PDE1C: variants seen among roughly 807,000 people sequenced by gnomAD.
The protein encoded by PDE1C is dual specificity calcium/calmodulin-dependent 3',5'-cyclic nucleotide phosphodiesterase 1C.
Under a neutral mutation model 93.1 loss-of-function variants are expected in PDE1C, and 62 were observed. The ratio of observed to expected loss-of-function variants is 0.67; its 90% confidence interval spans 0.54 to 0.82. The LOEUF is 0.82. Among genes scored for constraint, PDE1C ranks in the 40% least tolerant of loss-of-function variants. The pLI is 0.00. For synonymous variants in PDE1C, 325 were observed against 310.1 expected (o/e 1.05, Z -0.50); for missense variants, 742 against 884.6 (o/e 0.84, Z 2.04).
At chr7:31,768,451 A>AT (rs1795279009) in intron 17 of PDE1C, among the ~76,000 whole-genome samples, 1 of 152,174 alleles carries the variant, frequency 6.6e-6, no homozygotes, top group South Asian at 2.1e-4. Flanking sequence ...TGGGGATTGG[A>AT]TTTTAACATA....
the PDE1C span, among the ~76,000 whole-genome samples, chr7:31,705,450 C>G: frequency 5.3e-5 from 8 of 151,094 alleles, no homozygotes; most frequent in African/African-American, 1.7e-4. Flanking sequence ...CTCTGTGCAG[C>G]TGGTGTACGA....
intron 2 of PDE1C, among the ~76,000 whole-genome samples, chr7:31,975,694 C>A (rs539396172): frequency 1.5e-4 from 23 of 152,284 alleles, no homozygotes; most frequent in African/African-American, 5.5e-4. Context: ...CAACAGTGAG[C>A]ACATAATTTC....
At chr7:31,643,879 A>C in the PDE1C span, 1 of 1,613,854 alleles carries the variant, frequency 6.2e-7, no homozygotes, top group South Asian at 1.1e-5. Context: ...GTGTTCACTA[A>C]CTGGTCACCA....
intron 1 of PDE1C, among the ~76,000 whole-genome samples, chr7:32,212,772 C>A (rs1433228321): frequency 6.6e-6 from 1 of 152,194 alleles, no homozygotes; most frequent in Non-Finnish European, 1.5e-5. Flanking sequence ...TCGCCTCACA[C>A]CCCACCTTCT....
chr7:32,341,235 G>A (rs1307716270), intron 1 of PDE1C, among the ~76,000 whole-genome samples: 1 of 118,740 alleles, frequency 8.4e-6, no homozygotes, highest in African/African-American at 2.9e-5. Flanking sequence ...GAGTGCAGTG[G>A]CGCGATCTCG....
At chr7:31,711,678 T>C in the PDE1C span, among the ~76,000 whole-genome samples, 1 of 152,202 alleles carries the variant, frequency 6.6e-6, no homozygotes, top group Non-Finnish European at 1.5e-5. Flanking sequence ...AATTTAATCA[T>C]TATTCTCAAT....
intron 2 of PDE1C, among the ~76,000 whole-genome samples, chr7:32,182,275 A>AG (rs1803499134): frequency 1.3e-5 from 2 of 152,222 alleles, no homozygotes; most frequent in South Asian, 2.1e-4. Context: ...ATAGAAAAAG[A>AG]GGAATCCTTC....
the PDE1C span, among the ~76,000 whole-genome samples, chr7:31,677,616 T>A: frequency 6.6e-6 from 1 of 152,134 alleles, no homozygotes; most frequent in African/African-American, 2.4e-5. Context: ...AGAAAAAAAC[T>A]CAATAAACTA....
chr7:31,994,461 T>C (rs1033829224), intron 2 of PDE1C, among the ~76,000 whole-genome samples: 1 of 152,204 alleles, frequency 6.6e-6, no homozygotes, highest in Non-Finnish European at 1.5e-5. Context: ...GATGACCCTA[T>C]GACCTCTCAG....
At position 31,987,503 on chromosome 7, in the gene PDE1C, T is replaced by C. The variant is rs1783571612; in HGVS notation, c.128+64051A>G. ...ACCCACAAGCCTAAAGAGAAAAGAA[T>C]GAACTTAGAAAGTAAGAAAAAGTCT... On this transcript the variant is annotated intron_variant, in intron 2 of 17. Coordinates refer to ENST00000396191, the MANE Select transcript of PDE1C (RefSeq NM_001191057.4). Among the ~76,000 whole-genome samples, 3 of 152,132 alleles carry C rather than the reference T, an allele frequency of 2.0e-5. No individual in the cohort carries two copies. In the South Asian group the frequency reaches 6.2e-4, roughly 32 times the overall value.
intron 2 of PDE1C, among the ~76,000 whole-genome samples, chr7:31,925,097 G>A (rs776430038): frequency 6.2e-4 from 93 of 150,362 alleles, no homozygotes; most frequent in African/African-American, 1.4e-3. Flanking sequence ...GTGTGCATGC[G>A]CATGAGTGTG....
At position 31,856,929 on chromosome 7, in the gene PDE1C, C is replaced by T. The variant is rs189714159; in HGVS notation, c.751-6188G>A. On this transcript the variant is annotated intron_variant, in intron 7 of 17. Transcript: ENST00000396191. Reference sequence around the variant, plus strand: ...ACTGTTTTCTCCTGAGACCTCTCTCCTTGCCTTGCAGACAGCTATATTCTC... The same window carrying T: ...ACTGTTTTCTCCTGAGACCTCTCTCTTTGCCTTGCAGACAGCTATATTCTC... 4.6e-5 allele frequency among the ~76,000 whole-genome samples: 7 copies of T among 152,268 alleles called. No individual in the cohort carries two copies. In the East Asian group the frequency reaches 1.4e-3, roughly 29 times the overall value.
At chr7:31,858,585 C>T (rs372750921) in intron 7 of PDE1C, among the ~76,000 whole-genome samples, 3 of 152,244 alleles carry the variant, frequency 2.0e-5, no homozygotes, top group African/African-American at 4.8e-5. Context: ...GAAGAAGATG[C>T]ATTCTCCCAC....
At chr7:31,959,961 G>A (rs1478302965) in intron 2 of PDE1C, among the ~76,000 whole-genome samples, 2 of 151,858 alleles carry the variant, frequency 1.3e-5, no homozygotes, top group African/African-American at 4.8e-5. Flanking sequence ...TGCCTCCCGG[G>A]TTCAAGCAAT....
chr7:31,643,992 A>G, the PDE1C span: 39 of 1,534,694 alleles, frequency 2.5e-5, no homozygotes, highest in African/African-American at 4.7e-4. Flanking sequence ...AGGCAGATGC[A>G]CCCGTGATAA....
intron 16 of PDE1C, among the ~76,000 whole-genome samples, chr7:31,792,410 G>A (rs1176343200): frequency 1.3e-5 from 2 of 152,018 alleles, no homozygotes; most frequent in African/African-American, 4.8e-5. Flanking sequence ...GATAAGGTGT[G>A]GTGATGAATA....
In PDE1C at chr7:31,753,237, C is replaced by A; in HGVS notation, c.*147G>T. On this transcript the variant is annotated 3_prime_UTR_variant, in exon 18 of 18. Transcript: ENST00000396191. ...CAACAAAGAGGAAAATCACATACAA[C>A]TTTCATTTCACCTTGGTGGAGTCAA... The A allele has an allele frequency of 2.0e-6, 2 of 979,746 alleles. No homozygotes were observed. The highest frequency in any genetic ancestry group is 2.9e-6 in the Non-Finnish European group (2 of 683,518). The allele number at this position is 979,746 out of a possible 1,614,324, so 60.7% of individuals were successfully genotyped here. A position where few individuals can be genotyped will look rare whatever the true frequency, so the allele number is the denominator to read the frequency against.
chr7:31,831,171 ATTC>A (rs1790333316), intron 11 of PDE1C, among the ~76,000 whole-genome samples: 2 of 152,218 alleles, frequency 1.3e-5, no homozygotes, highest in South Asian at 4.1e-4. Context: ...AGCAATGTAT[ATTC>A]TTCTTTCCCA....
Position 32,393,451 on chromosome 7 carries a change from C to T in PDE1C, c.310+34371G>A, listed in dbSNP as rs1334718085. 3.9e-5 allele frequency among the ~76,000 whole-genome samples: 6 copies of T among 152,078 alleles called. No individual in the cohort carries two copies. In the East Asian group the frequency reaches 1.2e-3, roughly 29 times the overall value. ...CTTCTAACCTATTATATTTAAGTTT[C>T]CAGAGACCTACAGAAAAGCCTGAAG... is the stretch of plus-strand genomic sequence containing the variant. On this transcript the variant is annotated intron_variant, in intron 1 of 1. Coordinates refer to the PDE1C transcript ENST00000672256.
Sources: allele counts gnomAD v4.1 joint callset (sites outside exome capture counted in the v4.1 genomes callset), GRCh38; gene constraint gnomAD v4.1.1; transcripts MANE v1.5; gene names NCBI Gene and HGNC (gene_info 2026-07-23, HGNC 2026-07-21).